PTK2: variants seen among roughly 807,000 people sequenced by gnomAD.
PTK2 encodes the protein focal adhesion kinase 1.
In PTK2, 45 loss-of-function variants were observed where a neutral mutation model predicts 150.1. The observed-to-expected ratio is 0.30, with a 90% confidence interval of 0.24 to 0.38. PTK2 has a LOEUF of 0.38. Ranked by LOEUF, PTK2 falls within the 10% of genes least tolerant of loss-of-function variation. PTK2 has a pLI of 1.00. For missense variants in PTK2, 919 were observed against 1,307.3 expected, an observed-to-expected ratio of 0.70 and a Z score of 4.58; for synonymous variants, 432 against 449.2, an observed-to-expected ratio of 0.96 and a Z score of 0.48.
chr8:140,896,772 C>T (rs1005637421), intron 2 of PTK2, among the ~76,000 whole-genome samples: 1 of 135,708 alleles, frequency 7.4e-6, no homozygotes, highest in Non-Finnish European at 1.6e-5. Flanking sequence ...GACGCCCCCC[C>T]TTCCCCCCAA....
At chr8:140,956,118 C>T (rs1029049524) in intron 1 of PTK2, among the ~76,000 whole-genome samples, 1 of 152,200 alleles carries the variant, frequency 6.6e-6, no homozygotes, top group Non-Finnish European at 1.5e-5. Context: ...GAACCTGATA[C>T]GTCTAAGAAG....
chr8:140,730,502 G>A (rs2100048557), intron 22 of PTK2, among the ~76,000 whole-genome samples: 1 of 152,204 alleles, frequency 6.6e-6, no homozygotes, highest in African/African-American at 2.4e-5. Flanking sequence ...TACCCTTGGA[G>A]GGTGAACAGT....
At chr8:140,978,876 T>C (rs968080107) in intron 1 of PTK2, among the ~76,000 whole-genome samples, 9 of 151,862 alleles carry the variant, frequency 5.9e-5, no homozygotes, top group East Asian at 1.9e-4. Flanking sequence ...CCATCAGTGA[T>C]AGACTGGATT....
At position 140,820,094 on chromosome 8, in the gene PTK2, TTTTTTTTTTTTTTTTTTTTTTTTTA is replaced by T. The variant is rs1363977426; in HGVS notation, c.649-1099_649-1075del. On this transcript the variant is annotated intron_variant, in intron 8 of 31. Coordinates refer to ENST00000522684, the Ensembl canonical transcript of PTK2. ...GACTTTGGTTTTTTTTTTTTTTTTT[TTTTTTTTTTTTTTTTTTTTTTTTTA>T]AATAGGGTCTCACTCTGTCGCCCAG... Among the ~76,000 whole-genome samples, 82 of 82,254 alleles carry T rather than the reference TTTTTTTTTTTTTTTTTTTTTTTTTA, an allele frequency of 1.0e-3. 2 individuals are homozygous for T. The highest frequency in any genetic ancestry group is 9.2e-3 in the Middle Eastern group (2 of 218). 54.0% of individuals were successfully genotyped at this position (82,254 alleles called of 152,430 possible).
chr8:140,890,442 G>T, intron 3 of PTK2, 101 bp downstream of exon 3: 3 of 982,394 alleles, frequency 3.1e-6, no homozygotes, highest in South Asian at 1.8e-5. Context: ...AAAAGTCCCC[G>T]ATAAGTTAAA....
chr8:140,881,312 C>T (rs530067374), intron 3 of PTK2, among the ~76,000 whole-genome samples: 1 of 152,306 alleles, frequency 6.6e-6, no homozygotes, highest in South Asian at 2.1e-4. Flanking sequence ...GGAAGGAGCA[C>T]CTTTTAACAA....
rs185040549 is a variant in PTK2, at chr8:140,758,036, T to C, written c.1332+3129A>G. ...CAGGTTTTGTGTATTTACTATACTTTGTTTTTCTTTTTTTCTAATATACTA... is the reference window on the plus strand; with the variant it reads ...CAGGTTTTGTGTATTTACTATACTTCGTTTTTCTTTTTTTCTAATATACTA... On this transcript the variant is annotated intron_variant, in intron 16 of 31. Coordinates refer to ENST00000522684, the Ensembl canonical transcript of PTK2. Among the ~76,000 whole-genome samples, 653 of 149,138 alleles carry C rather than the reference T, an allele frequency of 4.4e-3. 2 individuals carry two copies. Among genetic ancestry groups the C allele is most frequent in the African/African-American group, 0.015 (612 of 41,258 alleles).
At chr8:140,858,935 A>G (rs2100134457) in intron 5 of PTK2, among the ~76,000 whole-genome samples, 1 of 152,234 alleles carries the variant, frequency 6.6e-6, no homozygotes, top group Admixed American at 6.5e-5. Context: ...GCCAAAAGAG[A>G]TAAATTATTA....
At chr8:140,763,623 G>A (rs2100070574) in intron 15 of PTK2, among the ~76,000 whole-genome samples, 1 of 152,088 alleles carries the variant, frequency 6.6e-6, no homozygotes, top group South Asian at 2.1e-4. Context: ...TCAACAAGCT[G>A]CACATCACAG....
At chr8:140,805,672 G>A (rs2154599225) in intron 10 of PTK2, among the ~76,000 whole-genome samples, 1 of 151,254 alleles carries the variant, frequency 6.6e-6, no homozygotes, top group South Asian at 2.1e-4. Flanking sequence ...CACAAGTCCT[G>A]GCAACTTCAG....
intron 14 of PTK2, among the ~76,000 whole-genome samples, chr8:140,789,203 T>C (rs1320337538): frequency 6.6e-6 from 1 of 151,314 alleles, no homozygotes; most frequent in Admixed American, 6.6e-5. Context: ...AAGATTAACA[T>C]GATATTAAAA....
At chr8:140,921,851 A>G (rs1296941484) in intron 2 of PTK2, among the ~76,000 whole-genome samples, 1 of 152,246 alleles carries the variant, frequency 6.6e-6, no homozygotes, top group Non-Finnish European at 1.5e-5. Context: ...TAGTTTTTCC[A>G]TTCAAACTGT....
At chr8:140,866,418 A>G (rs548697177) in intron 4 of PTK2, among the ~76,000 whole-genome samples, 2 of 152,336 alleles carry the variant, frequency 1.3e-5, no homozygotes, top group Non-Finnish European at 2.9e-5. Flanking sequence ...AGTGTATGAC[A>G]GGAATTGTGA....
At chr8:140,941,539 A>G (rs1182969230) in intron 1 of PTK2, among the ~76,000 whole-genome samples, 1 of 152,220 alleles carries the variant, frequency 6.6e-6, no homozygotes, top group Non-Finnish European at 1.5e-5. Context: ...TGAGCTCATC[A>G]TTTAAAATAA....
chr8:140,681,039 C>T (rs1323105777), intron 27 of PTK2, among the ~76,000 whole-genome samples: 3 of 152,140 alleles, frequency 2.0e-5, no homozygotes, highest in Non-Finnish European at 2.9e-5. Context: ...GGAAATTTGG[C>T]GTTGGTTTGC....
chr8:140,846,096 A>C (rs901325741), intron 7 of PTK2, among the ~76,000 whole-genome samples, 164 bp downstream of exon 7: 3 of 152,178 alleles, frequency 2.0e-5, no homozygotes, highest in Non-Finnish European at 4.4e-5. Context: ...ACAAATCTAA[A>C]TGTTTATTAA....
chr8:140,806,554 G>A (rs1467994042), intron 10 of PTK2, among the ~76,000 whole-genome samples: 2 of 152,038 alleles, frequency 1.3e-5, no homozygotes, highest in Non-Finnish European at 2.9e-5. Context: ...AAGACATCTA[G>A]GTTATGGAAA....
chr8:140,741,894 T>C (rs1170375109), intron 20 of PTK2, among the ~76,000 whole-genome samples: 1 of 152,150 alleles, frequency 6.6e-6, no homozygotes, highest in Non-Finnish European at 1.5e-5. Context: ...ATCCCAGCAC[T>C]TTGTGAGGCG....
chr8:140,842,598 T>C (rs1431841466), intron 7 of PTK2, among the ~76,000 whole-genome samples: 1 of 152,012 alleles, frequency 6.6e-6, no homozygotes, highest in African/African-American at 2.4e-5. Flanking sequence ...AATAGAATAG[T>C]CAAGGTGCGA....
Sources: gnomAD v4.1 joint callset for allele counts (sites outside exome capture counted in the v4.1 genomes callset) on GRCh38, gnomAD v4.1.1 for gene constraint, MANE v1.5 for transcripts, NCBI Gene and HGNC (gene_info 2026-07-23, HGNC 2026-07-21) for gene names.